Variants in TCF24 observed in about 807,000 individuals in gnomAD.
The protein encoded by TCF24 is transcription factor 24.
TCF24 carries 5 observed loss-of-function variants against 9.3 expected under a neutral mutation model. That is an observed-to-expected ratio of 0.54 (90% confidence interval 0.28 to 1.13). The LOEUF is 1.13. TCF24 is among the 50% of genes most tolerant of loss of function. TCF24 has a pLI of 0.09. For missense variants in TCF24, 220 were observed against 236.1 expected (o/e 0.93, Z 0.45); for synonymous variants, 110 against 115.8 (o/e 0.95, Z 0.32).
rs1236985101 is a variant in TCF24 at position 66,961,567 on chromosome 8, G to A, written c.199C>T (p.His67Tyr). 1 of 1,495,448 alleles carries A rather than the reference G, an allele frequency of 6.7e-7. No homozygotes were observed. The highest frequency in any genetic ancestry group is 2.2e-5 in the Admixed American group (1 of 46,360). 92.6% of individuals were successfully genotyped at this position (1,495,448 alleles called of 1,614,324 possible). A position where few individuals can be genotyped will look rare whatever the true frequency, so the allele number is the denominator to read the frequency against. Residue 67 changes from histidine (H) to tyrosine (Y), a missense_variant, in exon 3 of 4, where the codon CAC (histidine) becomes TAC (tyrosine). Physicochemically the swap from His to Tyr is moderately conservative, Grantham distance 83. Transcript: ENST00000563496. The part of the protein sequence containing the change: ...RERSRVQTLR[H>Y]AFLELQRTLP... The stretch of plus-strand genomic sequence containing the variant: ...GTGCGCTGCAGCTCCAGGAAAGCGT[G>A]CCGCAGGGTCTGCACCCGGCTGCGC...
chr8:66,948,705 A>ATCTG (rs746421033), intron 3 of TCF24, among the ~76,000 whole-genome samples: 8 of 138,302 alleles, frequency 5.8e-5, no homozygotes, highest in African/African-American at 2.1e-4. Context: ...CTATCTATCT[A>ATCTG]TTTTTTTTGA....
At position 66,961,647 on chromosome 8, in the gene TCF24, C is replaced by G. The variant is rs1033114801; in HGVS notation, c.119G>C (p.Gly40Ala). ...GRTGPGPAGP[G>A]GGSRSGSGRP... ...CCCGCTCCCGGAACGCGAGCCGCCC[C>G]CAGGGCCCGCCGGCCCCGGCCCGGT... The change falls in exon 3 of 4, where the codon GGG (glycine) becomes GCG (alanine). Residue 40 changes from glycine (G) to alanine (A), a missense_variant. Coordinates refer to ENST00000563496, the MANE Select transcript of TCF24 (RefSeq NM_001193502.2). 1.2e-4 allele frequency: 141 copies of G among 1,202,124 alleles called. No homozygotes were observed. Among genetic ancestry groups the G allele is most frequent in the Admixed American group, 3.6e-4 (8 of 22,090 alleles). The allele number at this position is 1,202,124 out of a possible 1,614,324, so 74.5% of individuals were successfully genotyped here. A position where few individuals can be genotyped will look rare whatever the true frequency, so the allele number is the denominator to read the frequency against.
At chr8:66,951,517 C>T (rs1358769064) in intron 3 of TCF24, among the ~76,000 whole-genome samples, 1 of 151,964 alleles carries the variant, frequency 6.6e-6, no homozygotes, top group East Asian at 1.9e-4. Context: ...AGGATTTTTG[C>T]ATCAATGTTC....
intron 3 of TCF24, among the ~76,000 whole-genome samples, chr8:66,958,642 CAGAG>C (rs528143731): frequency 7.9e-5 from 12 of 152,280 alleles, no homozygotes; most frequent in East Asian, 1.9e-4. Flanking sequence ...GCTTGGGTGA[CAGAG>C]AGAGACTCCA....
At chr8:66,955,782 C>T (rs1814142545) in intron 3 of TCF24, among the ~76,000 whole-genome samples, 2 of 152,302 alleles carry the variant, frequency 1.3e-5, no homozygotes, top group South Asian at 4.1e-4. Flanking sequence ...ACTCTCATTG[C>T]ACTTGTGAGC....
chr8:66,958,178 T>C (rs113326226), intron 3 of TCF24, among the ~76,000 whole-genome samples: 96 of 152,272 alleles, frequency 6.3e-4, no homozygotes, highest in African/African-American at 2.1e-3. Flanking sequence ...AAAATGTACA[T>C]AGAATATTGG....
rs1814251095 is a variant in TCF24 at position 66,961,440 on chromosome 8, G to A, written c.326C>T (p.Ala109Val). 3.3e-6 allele frequency: 5 copies of A among 1,526,094 alleles called. No individual in the cohort carries two copies. The highest frequency in any genetic ancestry group is 4.4e-6 in the Non-Finnish European group (5 of 1,142,952). The allele number at this position is 1,526,094 out of a possible 1,614,324, so 94.5% of individuals were successfully genotyped here. The change falls in exon 3 of 4, where the codon GCC becomes GTC. Residue 109 changes from alanine to valine, a missense_variant. Transcript: ENST00000563496. ...CAACCCGGCGTCCGCCGGCGCCTCG[G>A]CGTCGTCCTGCAGGCTGCGGGTGAG... ...AHLTRSLQDD[A>V]EAPADAGLGA...
In TCF24 at chr8:66,961,357, G is replaced by C; in HGVS notation, c.390+19C>G. 4.2e-6 allele frequency: 6 copies of C among 1,439,192 alleles called. No individual in the cohort carries two copies. Among genetic ancestry groups the C allele is most frequent in the Non-Finnish European group, 5.4e-6 (6 of 1,102,438 alleles). The allele number at this position is 1,439,192 out of a possible 1,614,324, so 89.2% of individuals were successfully genotyped here. On this transcript the variant is annotated intron_variant, in intron 3 of 3. Transcript: ENST00000563496. ...TCCTGGTCTCGGCCCCAGCCCCGCGGTGCGCCCCGCCCGCTTACCTTGACC... is the reference window on the plus strand; with the variant it reads ...TCCTGGTCTCGGCCCCAGCCCCGCGCTGCGCCCCGCCCGCTTACCTTGACC...
At position 66,957,111 on chromosome 8, in the gene TCF24, C is replaced by CAAA. The variant is rs1165600722; in HGVS notation, c.390+4262_390+4264dup. ...CTGACGACAGAGCAAGACTCCGTCT[C>CAAA]AAAAAAAAAAAAAAAAAAAAAAAAA... On this transcript the variant is annotated intron_variant, in intron 3 of 3. Coordinates refer to ENST00000563496, the MANE Select transcript of TCF24 (RefSeq NM_001193502.2). Among the ~76,000 whole-genome samples the CAAA allele has an allele frequency of 1.0e-3, 16 of 15,732 alleles. 2 individuals carry two copies. Among genetic ancestry groups the CAAA allele is most frequent in the East Asian group, 8.5e-3 (3 of 354 alleles). The allele number at this position is 15,732 out of a possible 152,430, so 10.3% of individuals were successfully genotyped here.
At chr8:66,950,560 C>A (rs376989075) in intron 3 of TCF24, among the ~76,000 whole-genome samples, 18 of 149,992 alleles carry the variant, frequency 1.2e-4, no homozygotes, top group African/African-American at 3.2e-4. Flanking sequence ...CTTAGGATTG[C>A]CTTGGCGATG....
intron 3 of TCF24, among the ~76,000 whole-genome samples, chr8:66,958,066 A>G (rs975419953): frequency 6.6e-6 from 1 of 152,142 alleles, no homozygotes; most frequent in African/African-American, 2.4e-5. Context: ...TAAAATAAAT[A>G]TTCTTTTTTA....
intron 3 of TCF24, among the ~76,000 whole-genome samples, chr8:66,959,794 G>C (rs185011781): frequency 6.6e-6 from 1 of 152,136 alleles, no homozygotes; most frequent in Non-Finnish European, 1.5e-5. Context: ...TATCTCTAGA[G>C]TTGTCTTTTA....
chr8:66,948,819 C>T (rs906630100), intron 3 of TCF24, among the ~76,000 whole-genome samples: 1 of 152,154 alleles, frequency 6.6e-6, no homozygotes, highest in African/African-American at 2.4e-5. Flanking sequence ...CCTCAGCCTC[C>T]TGAGTAGCTA....
rs562350235 is a variant in TCF24 at position 66,950,407 on chromosome 8, A to C, written c.391-2243T>G. On this transcript the variant is annotated intron_variant, in intron 3 of 3. Coordinates refer to ENST00000563496, the MANE Select transcript of TCF24 (RefSeq NM_001193502.2). ...TTCTCAGGTTTGTCAAAGATCAGAT[A>C]GTTGTAGATATGCGGCGTTATTTCT... is the stretch of plus-strand genomic sequence containing the variant. 1.9e-3 allele frequency among the ~76,000 whole-genome samples: 283 copies of C among 152,208 alleles called. 4 individuals carry two copies. The highest frequency in any genetic ancestry group is 6.5e-3 in the African/African-American group (272 of 41,536).
rs1397338448 is a variant in TCF24 at position 66,948,081 on chromosome 8, A to G, written c.474T>C (p.His158=). The change falls in exon 4 of 4, where the codon CAT becomes CAC. Residue 158 remains histidine (H), a synonymous_variant. Coordinates refer to ENST00000563496, the MANE Select transcript of TCF24 (RefSeq NM_001193502.2). ...KHSVSGEKTN[H]DNTPTDSQP ...GCTGTGAGTCTGTTGGAGTGTTGTC[A>G]TGATTTGTTTTTTCTCCAGAAACAG... 2 of 1,534,896 alleles carry G rather than the reference A, an allele frequency of 1.3e-6. No individual in the cohort carries two copies. Among genetic ancestry groups the G allele is most frequent in the Non-Finnish European group, 1.7e-6 (2 of 1,146,576 alleles).
chr8:66,961,709 G>T lies in TCF24; in HGVS notation c.57C>A (p.Pro19=). 1.8e-6 allele frequency: 2 copies of T among 1,095,346 alleles called. No homozygotes were observed. Among genetic ancestry groups the T allele is most frequent in the East Asian group, 5.2e-5 (1 of 19,054 alleles). The allele number at this position is 1,095,346 out of a possible 1,614,324, so 67.9% of individuals were successfully genotyped here. The change falls in exon 3 of 4, where the codon CCC becomes CCA. Residue 19 remains proline (P), a synonymous_variant. Transcript: ENST00000563496. ...GCGAGTCGCGGATGGCGGCGGCCAGGGGCGCGGGCTCGGCGCTGGCGCTGA... is the reference window on the plus strand; with the variant it reads ...GCGAGTCGCGGATGGCGGCGGCCAGTGGCGCGGGCTCGGCGCTGGCGCTGA... The part of the protein sequence containing the change: ...SPLSASAEPA[P]LAAAIRDSRP...
In TCF24 at chr8:66,961,356, G is replaced by C. The variant is rs967757860; in HGVS notation, c.390+20C>G. The stretch of plus-strand genomic sequence containing the variant: ...GTCCTGGTCTCGGCCCCAGCCCCGC[G>C]GTGCGCCCCGCCCGCTTACCTTGAC... On this transcript the variant is annotated intron_variant, in intron 3 of 3. Transcript: ENST00000563496. 7.0e-7 allele frequency: 1 copy of C among 1,437,082 alleles called. No individual in the cohort carries two copies. The highest frequency in any genetic ancestry group is 9.1e-7 in the Non-Finnish European group (1 of 1,101,332). The allele number at this position is 1,437,082 out of a possible 1,614,324, so 89.0% of individuals were successfully genotyped here.
chr8:66,959,712 A>G (rs531084429), intron 3 of TCF24, among the ~76,000 whole-genome samples: 1 of 152,366 alleles, frequency 6.6e-6, no homozygotes, highest in Non-Finnish European at 1.5e-5. Context: ...ATTTTAAAAC[A>G]TGCTTGATTT....
At chr8:66,948,224 G>A (rs1047854239) in intron 3 of TCF24, 60 bp from the exon 4 acceptor site, 2 of 1,179,044 alleles carry the variant, frequency 1.7e-6, no homozygotes, top group Non-Finnish European at 2.3e-6. Context: ...ATATTAACAT[G>A]GTCTACAATG....
Sources: allele counts gnomAD v4.1 joint callset (sites outside exome capture counted in the v4.1 genomes callset), GRCh38; gene constraint gnomAD v4.1.1; transcripts MANE v1.5; gene names NCBI Gene and HGNC (gene_info 2026-07-23, HGNC 2026-07-21).